TFE3: variants seen among roughly 807,000 people sequenced by gnomAD.
TFE3 encodes transcription factor E3.
In TFE3, 5 loss-of-function variants were observed where a neutral mutation model predicts 35.0. The ratio of observed to expected loss-of-function variants is 0.14; its 90% CI spans 0.07 to 0.30. The LOEUF is 0.30. Ranked by LOEUF, TFE3 falls within the 10% of genes least tolerant of loss-of-function variation. The pLI is 1.00. For synonymous variants in TFE3, 211 were observed against 215.6 expected (o/e 0.98, Z 0.18); for missense variants, 374 against 496.6 (o/e 0.75, Z 2.35).
chrX:49,036,630 C>T (rs1364674170), intron 5 of TFE3, among the ~76,000 whole-genome samples: 1 of 109,460 alleles, frequency 9.1e-6, no homozygotes, highest in African/African-American at 3.3e-5. Flanking sequence ...GGTGAAACCC[C>T]GTCTCTACTA....
chrX:49,037,387 G>C (rs1290080403), intron 5 of TFE3, among the ~76,000 whole-genome samples: 1 of 110,542 alleles, frequency 9.0e-6, no homozygotes, highest in African/African-American at 3.3e-5. Flanking sequence ...GAATCCCTTG[G>C]TACATTCAAG....
intron 9 of TFE3, among the ~76,000 whole-genome samples, chrX:49,031,010 G>A (rs1475958001): frequency 3.6e-5 from 4 of 110,496 alleles, no homozygotes; most frequent in South Asian, 3.8e-4. Flanking sequence ...GCTTGAACCC[G>A]GGAGGCGGAG....
At chrX:49,039,059 C>T (rs1033266520) in intron 3 of TFE3, 48 bp downstream of exon 3, 1 of 1,102,535 alleles carries the variant, frequency 9.1e-7, no homozygotes, top group African/African-American at 1.9e-5. Flanking sequence ...TAGGATCACT[C>T]CTCAGTCACC....
At chrX:49,038,743 C>G (rs1557075202) in intron 3 of TFE3, among the ~76,000 whole-genome samples, 1 of 110,192 alleles carries the variant, frequency 9.1e-6, no homozygotes, top group East Asian at 2.9e-4. Flanking sequence ...CTGACACCAC[C>G]TAATAGACCT....
At chrX:49,042,571 A>G (rs1474737070) in intron 1 of TFE3, among the ~76,000 whole-genome samples, 14 of 111,154 alleles carry the variant, frequency 1.3e-4, no homozygotes, top group Admixed American at 3.8e-4. Flanking sequence ...CATATCTGAG[A>G]TACCTCCAAA....
chrX:49,033,737 T>A lies in TFE3; in HGVS notation c.1049A>T (p.Asn350Ile). 1 of 1,211,533 alleles carries A rather than the reference T, an allele frequency of 8.3e-7. No individual in the cohort carries two copies. The highest frequency in any genetic ancestry group is 1.1e-6 in the Non-Finnish European group (1 of 895,443). The change falls in exon 7 of 10, where the codon AAT becomes ATT. Residue 350 changes from asparagine (N) to isoleucine (I), a missense_variant. Asn to Ile is a moderately radical substitution (Grantham distance 149). This residue lies in a region of TFE3 where 167 missense variants were observed against 297.2 expected (regional missense o/e 0.56). Coordinates refer to ENST00000315869, the MANE Select transcript of TFE3 (RefSeq NM_006521.6). ...ALLKERQKKD[N>I]HNLIERRRRF... is the part of the protein sequence containing the mutation. ...GCTCTCTGGCTTACTTAGGTTGTGA[T>A]TGTCTTTCTTCTGCCGTTCCTTCAA...
chrX:49,038,281 C>T lies in TFE3; in HGVS notation c.696G>A (p.Glu232=). 1 of 1,206,927 alleles carries T rather than the reference C, an allele frequency of 8.3e-7. No homozygotes were observed. Among genetic ancestry groups the T allele is most frequent in the Non-Finnish European group, 1.1e-6 (1 of 893,818 alleles). The change falls in exon 4 of 10, where the codon GAG becomes GAA. Residue 232 remains glutamate, a synonymous_variant. Coordinates refer to ENST00000315869, the MANE Select transcript of TFE3 (RefSeq NM_006521.6). ...CTGTGGGGCCGGTAGTGTGGGCAGC[C>T]TCAGGGGCAGGCAGTGGCTGGGCAC... ...PASAQPLPAP[E]AAHTTGPTGS...
At chrX:49,036,803 A>C (rs781924118) in intron 5 of TFE3, among the ~76,000 whole-genome samples, 1 of 111,576 alleles carries the variant, frequency 9.0e-6, no homozygotes, top group South Asian at 3.7e-4. Context: ...CTTTGTCTCA[A>C]AAAATAAATA....
intron 8 of TFE3, 89 bp from the exon 9 acceptor site, chrX:49,031,633 CCCA>C: frequency 1.0e-6 from 1 of 987,206 alleles, no homozygotes; most frequent in Non-Finnish European, 1.3e-6. Flanking sequence ...GTGGGAGCCT[CCCA>C]CCACATGCTT....
intron 5 of TFE3, among the ~76,000 whole-genome samples, chrX:49,035,833 T>C (rs925827131): frequency 4.9e-4 from 54 of 111,088 alleles, no homozygotes; most frequent in Non-Finnish European, 1.5e-4. Context: ...ATCCTATTGA[T>C]AAGTTGGAAA....
intron 5 of TFE3, among the ~76,000 whole-genome samples, chrX:49,035,123 C>A (rs781873272): frequency 6.2e-4 from 67 of 107,780 alleles, no homozygotes; most frequent in African/African-American, 2.2e-3. Flanking sequence ...CCAGCCTGGC[C>A]AACATGGTGA....
In TFE3 at chrX:49,033,531, C is replaced by T; in HGVS notation, c.1070G>A (p.Arg357His). The change falls in exon 8 of 10, where the codon CGC (arginine) becomes CAC (histidine). Residue 357 changes from arginine (R) to histidine (H), a missense_variant. This residue lies in a region of TFE3 where 167 missense variants were observed against 297.2 expected (regional missense o/e 0.56). Transcript: ENST00000315869. ...KKDNHNLIER[R>H]RRFNINDRIK... ...CCTGTCGTTAATGTTGAATCGCCTG[C>T]GACGCTCAACTTTGGAGAGGGGAGG... is the stretch of plus-strand genomic sequence containing the variant. 8.3e-7 allele frequency: 1 copy of T among 1,210,974 alleles called. No homozygotes were observed. Among genetic ancestry groups the T allele is most frequent in the Non-Finnish European group, 1.1e-6 (1 of 895,149 alleles).
At position 49,041,576 on chromosome X, in the gene TFE3, C is replaced by A. The variant is rs191538163; in HGVS notation, c.117-1008G>T. 5.9e-3 allele frequency among the ~76,000 whole-genome samples: 654 copies of A among 111,213 alleles called. 8 individuals carry two copies. Among genetic ancestry groups the A allele is most frequent in the African/African-American group, 0.02 (603 of 30,540 alleles). ...AAGCATTCTTTTCTTACCGGAGGAG[C>A]CTGCCCAGCCTTCTCCTGTTTTTTT... On this transcript the variant is annotated intron_variant, in intron 1 of 9. Coordinates refer to ENST00000315869, the MANE Select transcript of TFE3 (RefSeq NM_006521.6).
chrX:49,038,437 C>G lies in TFE3; in HGVS notation c.540G>C (p.Gln180His). The G allele has an allele frequency of 8.3e-7, 1 of 1,199,170 alleles. No homozygotes were observed. The highest frequency in any genetic ancestry group is 1.7e-5 in the African/African-American group (1 of 57,619). The part of the protein sequence containing the change: ...AQVPREVLKV[Q>H]THLENPTRYH... Reference sequence around the variant, plus strand: ...AGCGCGTTGGGTTCTCCAGATGGGTCTGCACCTGTGAAATAAGGTAGACAA... The same window carrying G: ...AGCGCGTTGGGTTCTCCAGATGGGTGTGCACCTGTGAAATAAGGTAGACAA... The change falls in exon 4 of 10, where the codon CAG becomes CAC. Residue 180 changes from glutamine to histidine, a missense_variant. Transcript: ENST00000315869.
chrX:49,039,167 A>G lies in TFE3; in HGVS notation c.474T>C (p.Ser158=). The G allele has an allele frequency of 8.3e-7, 1 of 1,203,438 alleles. No individual in the cohort carries two copies. The highest frequency in any genetic ancestry group is 1.7e-5 in the African/African-American group (1 of 57,408). Residue 158 remains serine, a synonymous_variant, in exon 3 of 10, where the codon TCT becomes TCC. Transcript: ENST00000315869. ...ASPAISVVGV[S]AGGHTLSRPP... ...GACGGCTCAATGTGTGGCCCCCAGCAGAGACGCCAACCACAGAGATGGCAG... is the reference window on the plus strand; with the variant it reads ...GACGGCTCAATGTGTGGCCCCCAGCGGAGACGCCAACCACAGAGATGGCAG...
At position 49,029,742 on chromosome X, in the gene TFE3, AAAGG is replaced by A. The variant is rs782270542; in HGVS notation, c.*412_*415del. On this transcript the variant is annotated 3_prime_UTR_variant, in exon 10 of 10. Coordinates refer to ENST00000315869, the MANE Select transcript of TFE3 (RefSeq NM_006521.6). ...CGGACTAGACTGGTGGTTCCAAGAC[AAAGG>A]ATGGAGCAACATCCTGACATCTCCC... 7 of 445,740 alleles carry A rather than the reference AAAGG, an allele frequency of 1.6e-5. No individual in the cohort carries two copies. In the African/African-American group the frequency reaches 1.6e-4, roughly 10 times the overall value. 36.7% of individuals were successfully genotyped at this position (445,740 alleles called of 1,213,427 possible). A position where few individuals can be genotyped will look rare whatever the true frequency, so the allele number is the denominator to read the frequency against.
chrX:49,034,029 G>T, intron 6 of TFE3, 105 bp downstream of exon 6: 2 of 747,566 alleles, frequency 2.7e-6, no homozygotes, highest in Non-Finnish European at 4.1e-6. Context: ...ATTTCCATAT[G>T]TCCAAACCAT....
intron 5 of TFE3, 95 bp from the exon 6 acceptor site, chrX:49,034,346 A>C (rs1201399964): frequency 1.8e-6 from 1 of 568,285 alleles, no homozygotes; most frequent in East Asian, 3.6e-5. Flanking sequence ...ACATATCCCA[A>C]AGATGGGGCA....
Position 49,038,407 on chromosome X carries a change from G to A in TFE3, c.570C>T (p.His190=). 8.3e-7 allele frequency: 1 copy of A among 1,202,083 alleles called. No homozygotes were observed. The highest frequency in any genetic ancestry group is 1.1e-6 in the Non-Finnish European group (1 of 893,601). The change falls in exon 4 of 10, where the codon CAC becomes CAT. Residue 190 remains histidine, a synonymous_variant. Transcript: ENST00000315869. ...CCTGCTGCCGGCGCGCCTGCTGCAG[G>A]TGGTAGCGCGTTGGGTTCTCCAGAT... The part of the protein sequence containing the change: ...QTHLENPTRY[H]LQQARRQQVK...
Sources: allele counts gnomAD v4.1 joint callset (sites outside exome capture counted in the v4.1 genomes callset), GRCh38; gene constraint gnomAD v4.1.1; regional missense constraint gnomAD v4.1.1; transcripts MANE v1.5; gene names NCBI Gene and HGNC (gene_info 2026-07-23, HGNC 2026-07-21).